The following TYW1 variants were observed in gnomAD, a reference collection of about 807,000 sequenced individuals.
The protein encoded by TYW1 is tRNA-yW synthesizing protein 1 homolog.
Under a neutral mutation model 96.2 loss-of-function variants are expected in TYW1, and 46 were observed. The ratio of observed to expected loss-of-function variants is 0.48; its 90% confidence interval spans 0.38 to 0.61. The LOEUF (loss-of-function observed/expected upper bound fraction) is 0.61. Ranked by LOEUF, TYW1 falls within the 20% of genes least tolerant of loss-of-function variation. The pLI, the probability that TYW1 is intolerant of heterozygous loss-of-function variation, is 0.00. For missense variants in TYW1, 684 were observed against 909.6 expected (o/e 0.75, Z 3.19); for synonymous variants, 274 against 323.0 (o/e 0.85, Z 1.63).
chr7:67,151,523 G>A (rs1220613880), intron 13 of TYW1, among the ~76,000 whole-genome samples: 1 of 152,040 alleles, frequency 6.6e-6, no homozygotes, highest in Non-Finnish European at 1.5e-5. Context: ...CTTTAGGAGT[G>A]ATTCAGAATT....
chr7:67,172,391 C>T (rs1423733506), intron 13 of TYW1, among the ~76,000 whole-genome samples: 4 of 150,760 alleles, frequency 2.7e-5, no homozygotes, highest in Non-Finnish European at 5.9e-5. Context: ...GTACATTTTA[C>T]TTTTGCATAT....
chr7:67,002,541 A>G (rs1292211997), intron 3 of TYW1, among the ~76,000 whole-genome samples: 2 of 152,120 alleles, frequency 1.3e-5, no homozygotes, highest in Non-Finnish European at 2.9e-5. Context: ...TGACTTGATT[A>G]TTTTGTTTCT....
chr7:67,157,224 T>A (rs138666061), intron 13 of TYW1, among the ~76,000 whole-genome samples: 3 of 152,224 alleles, frequency 2.0e-5, no homozygotes, highest in African/African-American at 7.2e-5. Flanking sequence ...ACACACCGTT[T>A]CTGTTATTGT....
At chr7:67,159,597 T>C (rs1362691331) in intron 13 of TYW1, among the ~76,000 whole-genome samples, 2 of 151,850 alleles carry the variant, frequency 1.3e-5, no homozygotes, top group African/African-American at 4.8e-5. Flanking sequence ...TCCAAAGGCA[T>C]TTTTCCTGTT....
At chr7:67,022,829 T>C (rs1470876340) in intron 6 of TYW1, among the ~76,000 whole-genome samples, 1 of 152,184 alleles carries the variant, frequency 6.6e-6, no homozygotes, top group Non-Finnish European at 1.5e-5. Flanking sequence ...TACTCATTTA[T>C]TGACAAAGCA....
intron 15 of TYW1, among the ~76,000 whole-genome samples, chr7:67,237,427 G>A (rs1378173351): frequency 6.6e-6 from 1 of 151,292 alleles, no homozygotes; most frequent in Middle Eastern, 3.2e-3. Flanking sequence ...ATGAACGCAG[G>A]AGGCAGAGCT....
intron 15 of TYW1, among the ~76,000 whole-genome samples, chr7:67,230,931 T>A (rs1801734368): frequency 6.6e-6 from 1 of 152,118 alleles, no homozygotes. Context: ...TGAGCCACCA[T>A]GCCTGGCTGC....
At chr7:67,213,097 T>G (rs1801092154) in intron 15 of TYW1, among the ~76,000 whole-genome samples, 1 of 152,026 alleles carries the variant, frequency 6.6e-6, no homozygotes, top group Non-Finnish European at 1.5e-5. Flanking sequence ...AGTCTCGAAC[T>G]CCTGACCTCA....
intron 3 of TYW1, among the ~76,000 whole-genome samples, chr7:67,006,683 G>A (rs369513081): frequency 2.4e-4 from 37 of 151,904 alleles, no homozygotes; most frequent in East Asian, 1.7e-3. Context: ...CAAGTGATCC[G>A]CCCGCCTTGA....
intron 14 of TYW1, among the ~76,000 whole-genome samples, chr7:67,194,202 G>T (rs554319041): frequency 2.6e-5 from 4 of 152,212 alleles, no homozygotes; most frequent in African/African-American, 9.6e-5. Context: ...GAATTTCTGT[G>T]TTGGTGAAAT....
chr7:67,127,559 G>A (rs2116035159), intron 13 of TYW1, among the ~76,000 whole-genome samples: 1 of 152,120 alleles, frequency 6.6e-6, no homozygotes, highest in East Asian at 1.9e-4. Context: ...TCAATATATT[G>A]TTGCTATCTT....
chr7:67,153,922 TTTC>T (rs1164991290), intron 13 of TYW1, among the ~76,000 whole-genome samples: 2 of 123,856 alleles, frequency 1.6e-5, no homozygotes, highest in East Asian at 4.4e-4. Flanking sequence ...TTTTAACGAC[TTTC>T]TTTTTTTTTT....
intron 13 of TYW1, 121 bp downstream of exon 13, chr7:67,117,739 A>C: frequency 7.8e-7 from 1 of 1,288,274 alleles, no homozygotes; most frequent in Non-Finnish European, 1.0e-6. Flanking sequence ...TTTAAAATAA[A>C]AAAAGATGAA....
At chr7:67,205,380 T>G (rs1800754621) in intron 15 of TYW1, among the ~76,000 whole-genome samples, 1 of 147,360 alleles carries the variant, frequency 6.8e-6, no homozygotes, top group Admixed American at 6.8e-5. Flanking sequence ...CATTATAGGA[T>G]GGAGGCGGGG....
intron 15 of TYW1, among the ~76,000 whole-genome samples, chr7:67,212,552 G>A (rs958351496): frequency 6.6e-6 from 1 of 152,178 alleles, no homozygotes; most frequent in Non-Finnish European, 1.5e-5. Flanking sequence ...ATTATGTTAA[G>A]TGTTGTAAAA....
At chr7:67,076,972 C>G (rs1796227642) in intron 10 of TYW1, among the ~76,000 whole-genome samples, 1 of 152,048 alleles carries the variant, frequency 6.6e-6, no homozygotes, top group Admixed American at 6.6e-5. Flanking sequence ...CGGGATTTCA[C>G]CAAGTTGGCC....
chr7:67,180,424 A>ATATATATATATATATATATATATATT (rs1341437613), intron 13 of TYW1, among the ~76,000 whole-genome samples: 5 of 81,932 alleles, frequency 6.1e-5, no homozygotes, highest in East Asian at 2.3e-4. Context: ...ATATATATAT[A>ATATATATATATATATATATATATATT]ATTTTTTTTT....
At chr7:67,194,581 G>A (rs982613920) in intron 14 of TYW1, among the ~76,000 whole-genome samples, 10 of 152,012 alleles carry the variant, frequency 6.6e-5, no homozygotes, top group Admixed American at 1.3e-4. Flanking sequence ...CCCCGATTGC[G>A]CCACTGCACT....
At chr7:67,153,921 C>CTT (rs1441416098) in intron 13 of TYW1, among the ~76,000 whole-genome samples, 1 of 121,862 alleles carries the variant, frequency 8.2e-6, no homozygotes, top group South Asian at 2.7e-4. Flanking sequence ...ATTTTAACGA[C>CTT]TTTCTTTTTT....
Sources: gnomAD v4.1 joint callset for allele counts (sites outside exome capture counted in the v4.1 genomes callset) on GRCh38, gnomAD v4.1.1 for gene constraint, MANE v1.5 for transcripts, NCBI Gene and HGNC (gene_info 2026-07-23, HGNC 2026-07-21) for gene names.